Variants in TMEM267 observed in about 807,000 individuals in gnomAD.
TMEM267 encodes transmembrane protein 267.
Under a neutral mutation model 19.3 loss-of-function variants are expected in TMEM267, and 20 were observed. The ratio of observed to expected loss-of-function variants is 1.04; its 90% CI spans 0.73 to 1.51. TMEM267 has a LOEUF of 1.51. TMEM267 is among the 40% of genes most tolerant of loss of function. The pLI, the probability that TMEM267 is intolerant of heterozygous loss-of-function variation, is 0.00. For synonymous variants in TMEM267, 88 were observed against 90.3 expected, an observed-to-expected ratio of 0.97 and a Z score of 0.15; for missense variants, 242 against 261.9, an observed-to-expected ratio of 0.92 and a Z score of 0.52.
intron 1 of TMEM267, among the ~76,000 whole-genome samples, chr5:43,478,524 A>G (rs1225673802): frequency 6.6e-6 from 1 of 152,226 alleles, no homozygotes; most frequent in Non-Finnish European, 1.5e-5. Context: ...GCTTTTAGCT[A>G]GAAGAGCTCA....
Position 43,446,029 on chromosome 5 carries a change from GAAGA to G in TMEM267, c.*189_*192del, listed in dbSNP as rs1220006396. The G allele has an allele frequency of 2.5e-6, 1 of 402,998 alleles. No homozygotes were observed. Among genetic ancestry groups the G allele is most frequent in the Non-Finnish European group, 4.4e-6 (1 of 226,650 alleles). The allele number at this position is 402,998 out of a possible 1,614,324, so 25.0% of individuals were successfully genotyped here. On this transcript the variant is annotated 3_prime_UTR_variant, in exon 3 of 3. Coordinates refer to ENST00000397080, the MANE Select transcript of TMEM267 (RefSeq NM_022483.5). ...CTAATATTGCACTAGAGTTGTCATA[GAAGA>G]GAGAAGTAGAATAATAACAAGTATA...
chr5:43,480,710 C>T (rs888683392), intron 1 of TMEM267, among the ~76,000 whole-genome samples: 7 of 151,442 alleles, frequency 4.6e-5, no homozygotes, highest in African/African-American at 1.5e-4. Flanking sequence ...TTCATGATGT[C>T]CTTATAAAGC....
intron 1 of TMEM267, among the ~76,000 whole-genome samples, chr5:43,482,703 G>A (rs766480419): frequency 2.0e-5 from 3 of 152,062 alleles, no homozygotes; most frequent in Non-Finnish European, 2.9e-5. Context: ...CCTATGACTC[G>A]CAGAAGCCAT....
intron 1 of TMEM267, among the ~76,000 whole-genome samples, chr5:43,463,236 CAAG>C (rs1041510667): frequency 9.7e-4 from 147 of 152,130 alleles, no homozygotes; most frequent in African/African-American, 3.3e-3. Context: ...AAGACTAAAC[CAAG>C]AAGAAGTTGA....
chr5:43,468,929 C>A (rs1263325225), intron 1 of TMEM267, among the ~76,000 whole-genome samples: 1 of 152,118 alleles, frequency 6.6e-6, no homozygotes, highest in Non-Finnish European at 1.5e-5. Flanking sequence ...ATTTTGGAAA[C>A]TATACAAATA....
chr5:43,455,909 C>T (rs550495149), intron 1 of TMEM267, among the ~76,000 whole-genome samples: 1 of 151,274 alleles, frequency 6.6e-6, no homozygotes, highest in Admixed American at 6.6e-5. Context: ...AGTTATGGCT[C>T]ACTACACCCT....
chr5:43,455,088 G>T (rs1403338853), intron 1 of TMEM267, among the ~76,000 whole-genome samples: 2 of 152,148 alleles, frequency 1.3e-5, no homozygotes, highest in Non-Finnish European at 2.9e-5. Flanking sequence ...CAGAAACTAA[G>T]TTGGAGGACT....
At chr5:43,473,677 C>T (rs925331699) in intron 1 of TMEM267, among the ~76,000 whole-genome samples, 6 of 152,156 alleles carry the variant, frequency 3.9e-5, no homozygotes, top group African/African-American at 1.4e-4. Flanking sequence ...TGAAAATGGC[C>T]ATACTGCCCA....
chr5:43,465,923 G>T (rs1411657193), intron 1 of TMEM267, among the ~76,000 whole-genome samples: 1 of 150,574 alleles, frequency 6.6e-6, no homozygotes, highest in African/African-American at 2.5e-5. Context: ...CCTGCACATT[G>T]TGCACATGTA....
intron 1 of TMEM267, among the ~76,000 whole-genome samples, chr5:43,460,493 G>A (rs1023874401): frequency 6.6e-6 from 1 of 152,036 alleles, no homozygotes; most frequent in Non-Finnish European, 1.5e-5. Context: ...AAAATCAGGT[G>A]AGACTCATAG....
intron 1 of TMEM267, among the ~76,000 whole-genome samples, chr5:43,478,134 A>T (rs534531241): frequency 6.6e-6 from 1 of 152,328 alleles, no homozygotes; most frequent in East Asian, 1.9e-4. Context: ...ACCTGTCCAT[A>T]TCGGTAATCA....
chr5:43,458,519 G>A (rs1270247298), intron 1 of TMEM267, among the ~76,000 whole-genome samples: 2 of 152,186 alleles, frequency 1.3e-5, no homozygotes, highest in Non-Finnish European at 2.9e-5. Flanking sequence ...AGACAGTAGA[G>A]GCAGGAATGA....
chr5:43,474,399 C>T (rs772331588), intron 1 of TMEM267, among the ~76,000 whole-genome samples: 4 of 152,008 alleles, frequency 2.6e-5, no homozygotes, highest in Admixed American at 6.6e-5. Context: ...ACAGAGAAAC[C>T]AATTTACAAG....
chr5:43,450,284 G>A (rs570460460), intron 2 of TMEM267, among the ~76,000 whole-genome samples: 3 of 152,154 alleles, frequency 2.0e-5, no homozygotes, highest in South Asian at 2.1e-4. Flanking sequence ...GAGCCACTGC[G>A]CCTGGCCTTT....
chr5:43,469,166 A>T (rs1352786472), intron 1 of TMEM267, among the ~76,000 whole-genome samples: 4 of 152,336 alleles, frequency 2.6e-5, no homozygotes, highest in Admixed American at 2.0e-4. Flanking sequence ...TAGAAAAGCA[A>T]GAGCAAAGCA....
intron 2 of TMEM267, among the ~76,000 whole-genome samples, chr5:43,451,791 A>G (rs1432932571): frequency 6.6e-6 from 1 of 152,174 alleles, no homozygotes; most frequent in Non-Finnish European, 1.5e-5. Flanking sequence ...AAACTTAATC[A>G]TTGCCAGCCA....
chr5:43,446,216 T>C lies in TMEM267; in HGVS notation c.*6A>G. 2 of 1,589,396 alleles carry C rather than the reference T, an allele frequency of 1.3e-6. No homozygotes were observed. The highest frequency in any genetic ancestry group is 8.6e-7 in the Non-Finnish European group (1 of 1,159,806). ...GCCATTTGCTTCTCTAAGACTGCCG[T>C]GTACCTCAGACATCAATACGAACTC... On this transcript the variant is annotated 3_prime_UTR_variant, in exon 3 of 3. Coordinates refer to ENST00000397080, the MANE Select transcript of TMEM267 (RefSeq NM_022483.5).
At chr5:43,481,770 A>G (rs1744786073) in intron 1 of TMEM267, among the ~76,000 whole-genome samples, 1 of 152,094 alleles carries the variant, frequency 6.6e-6, no homozygotes, top group Admixed American at 6.6e-5. Context: ...CAACTTCATG[A>G]GACCCTGGGC....
intron 1 of TMEM267, among the ~76,000 whole-genome samples, chr5:43,472,412 C>T (rs988342079): frequency 2.6e-5 from 4 of 152,008 alleles, no homozygotes; most frequent in Non-Finnish European, 5.9e-5. Flanking sequence ...AATTGAACTA[C>T]CATATGATCC....
Sources: gnomAD v4.1 joint callset for allele counts (sites outside exome capture counted in the v4.1 genomes callset) on GRCh38, gnomAD v4.1.1 for gene constraint, MANE v1.5 for transcripts, NCBI Gene and HGNC (gene_info 2026-07-23, HGNC 2026-07-21) for gene names.